Variants in MCHR2 observed in about 807,000 individuals in gnomAD.
MCHR2 encodes the protein melanin-concentrating hormone receptor 2.
In MCHR2, 15 loss-of-function variants were observed where a neutral mutation model predicts 24.8. That is an observed-to-expected ratio of 0.60 (90% CI 0.40 to 0.93). The LOEUF is 0.93. Among genes scored for constraint, MCHR2 ranks in the 40% least tolerant of loss-of-function variants. The pLI is 0.00. For missense variants in MCHR2, 386 were observed against 408.7 expected (o/e 0.94, Z 0.48); for synonymous variants, 151 against 147.6 (o/e 1.02, Z -0.17).
Position 99,951,900 on chromosome 6 carries a change from C to T in MCHR2, c.183-3929G>A, listed in dbSNP as rs532896979. The stretch of plus-strand genomic sequence containing the variant: ...ACTTAGTGTGAATTAGTTGACCTGA[C>T]AGGGAGATGAGGGCAGGAAGTGACA... On this transcript the variant is annotated intron_variant, in intron 2 of 5. Coordinates refer to ENST00000281806, the MANE Select transcript of MCHR2 (RefSeq NM_001040179.2). Among the ~76,000 whole-genome samples the T allele has an allele frequency of 6.6e-5, 10 of 152,098 alleles. No homozygotes were observed. The South Asian group carries it at 1.5e-3, about 22-fold the overall frequency.
chr6:99,938,591 A>C (rs1774711893), intron 4 of MCHR2, among the ~76,000 whole-genome samples: 1 of 152,026 alleles, frequency 6.6e-6, no homozygotes, highest in African/African-American at 2.4e-5. Context: ...GAATTTGATC[A>C]GATGTGTCTT....
At chr6:99,983,681 T>C (rs988866069) in intron 1 of MCHR2, among the ~76,000 whole-genome samples, 1 of 152,290 alleles carries the variant, frequency 6.6e-6, no homozygotes, top group African/African-American at 2.4e-5. Context: ...AATTTCTTCC[T>C]CGAAACACTC....
chr6:99,925,713 C>T (rs895742978), intron 5 of MCHR2, among the ~76,000 whole-genome samples: 2 of 151,762 alleles, frequency 1.3e-5, no homozygotes, highest in African/African-American at 4.8e-5. Context: ...TTTGTACCCC[C>T]AATTTTTAAC....
chr6:99,931,704 G>C (rs1322569698), intron 5 of MCHR2, among the ~76,000 whole-genome samples: 1 of 152,172 alleles, frequency 6.6e-6, no homozygotes, highest in African/African-American at 2.4e-5. Context: ...CGCAGTATTA[G>C]GGTGGGAGTG....
At chr6:99,985,078 G>C (rs1289206280) in intron 1 of MCHR2, among the ~76,000 whole-genome samples, 1 of 151,944 alleles carries the variant, frequency 6.6e-6, no homozygotes, top group Non-Finnish European at 1.5e-5. Flanking sequence ...ATTTACAATA[G>C]CTACCAAAAT....
At chr6:99,934,890 C>T (rs554868753) in intron 4 of MCHR2, among the ~76,000 whole-genome samples, 1 of 152,114 alleles carries the variant, frequency 6.6e-6, no homozygotes, top group African/African-American at 2.4e-5. Flanking sequence ...CTGTGAAACC[C>T]CATGAGTATG....
chr6:99,948,501 G>A (rs1047404529), intron 2 of MCHR2, among the ~76,000 whole-genome samples: 7 of 152,106 alleles, frequency 4.6e-5, no homozygotes, highest in Non-Finnish European at 8.8e-5. Context: ...TCCTCCAGCC[G>A]CAGCCAAGCC....
At chr6:99,948,416 A>C (rs970980408) in intron 2 of MCHR2, among the ~76,000 whole-genome samples, 3 of 152,136 alleles carry the variant, frequency 2.0e-5, no homozygotes, top group Non-Finnish European at 2.9e-5. Context: ...GGAGAGGTCC[A>C]TGTGGAGAGG....
At chr6:99,945,962 G>A (rs1255923192) in intron 3 of MCHR2, among the ~76,000 whole-genome samples, 1 of 151,434 alleles carries the variant, frequency 6.6e-6, no homozygotes, top group African/African-American at 2.4e-5. Flanking sequence ...CTCTTCCAAG[G>A]CAGAAAATGC....
rs191596318 is a variant in MCHR2 at position 99,931,434 on chromosome 6, C to G, written c.707+2964G>C. Among the ~76,000 whole-genome samples, 1,016 of 152,290 alleles carry G rather than the reference C, an allele frequency of 6.7e-3. 9 individuals are homozygous for G. Among genetic ancestry groups the G allele is most frequent in the African/African-American group, 0.022 (935 of 41,570 alleles). On this transcript the variant is annotated intron_variant, in intron 5 of 5. Transcript: ENST00000281806. The stretch of plus-strand genomic sequence containing the variant: ...GTCTTTTTGTTTGTCTGTGCCCTGC[C>G]CCCAGAGGTGGAGCCTACAGTGGCA...
intron 1 of MCHR2, among the ~76,000 whole-genome samples, chr6:99,987,177 T>G (rs12386533): frequency 0.02 from 3,028 of 151,782 alleles, 102 homozygotes; most frequent in African/African-American, 0.069. Context: ...CTCGGCTCAC[T>G]GCAACCTCTG....
chr6:99,933,256 G>A (rs1384740680), intron 5 of MCHR2, among the ~76,000 whole-genome samples: 3 of 151,972 alleles, frequency 2.0e-5, no homozygotes, highest in African/African-American at 7.3e-5. Flanking sequence ...ATTTTTATGT[G>A]TATGAGATGT....
chr6:99,949,186 G>A (rs1385237284), intron 2 of MCHR2, among the ~76,000 whole-genome samples: 2 of 152,128 alleles, frequency 1.3e-5, no homozygotes, highest in African/African-American at 2.4e-5. Context: ...TACATGGCAG[G>A]CATAATGTTG....
At chr6:99,971,967 A>G (rs1253331197) in intron 1 of MCHR2, among the ~76,000 whole-genome samples, 1 of 152,170 alleles carries the variant, frequency 6.6e-6, no homozygotes, top group Admixed American at 6.5e-5. Context: ...GTTTGCCAGT[A>G]TTTTATTGAG....
intron 2 of MCHR2, among the ~76,000 whole-genome samples, chr6:99,948,541 T>C (rs1774915901): frequency 6.6e-6 from 1 of 152,138 alleles, no homozygotes; most frequent in African/African-American, 2.4e-5. Flanking sequence ...GGAAGACAGC[T>C]TGACAGCAAC....
intron 5 of MCHR2, among the ~76,000 whole-genome samples, chr6:99,929,774 C>T (rs9389856): frequency 6.7e-6 from 1 of 149,618 alleles, no homozygotes; most frequent in Non-Finnish European, 1.5e-5. Flanking sequence ...CACACTGATG[C>T]ATCTTGACTC....
At chr6:99,953,721 A>G (rs1180415233) in intron 2 of MCHR2, among the ~76,000 whole-genome samples, 1 of 151,894 alleles carries the variant, frequency 6.6e-6, no homozygotes, top group Non-Finnish European at 1.5e-5. Context: ...ACCCTAGGGC[A>G]ATGCAGGGCA....
At chr6:99,946,020 A>G (rs199628906) in intron 3 of MCHR2, among the ~76,000 whole-genome samples, 2 of 144,314 alleles carry the variant, frequency 1.4e-5, no homozygotes, top group Non-Finnish European at 3.1e-5. Context: ...ATACCTGTTT[A>G]TTTTTTTTTT....
At chr6:99,927,151 T>C (rs1021779609) in intron 5 of MCHR2, among the ~76,000 whole-genome samples, 10 of 152,136 alleles carry the variant, frequency 6.6e-5, no homozygotes, top group Admixed American at 4.6e-4. Context: ...GTTGTAGATA[T>C]GCAGTGTTAT....
Sources: gnomAD v4.1 joint callset for allele counts (sites outside exome capture counted in the v4.1 genomes callset) on GRCh38, gnomAD v4.1.1 for gene constraint, MANE v1.5 for transcripts, NCBI Gene and HGNC (gene_info 2026-07-23, HGNC 2026-07-21) for gene names.